The following ATP6V1A variants were observed in gnomAD, a reference collection of about 807,000 sequenced individuals.
ATP6V1A encodes the protein ATPase H+ transporting V1 subunit A, also known as V-type proton ATPase catalytic subunit A.
A neutral mutation model predicts 70.1 loss-of-function variants in ATP6V1A; 18 were observed. The observed-to-expected ratio is 0.26, with a 90% CI of 0.18 to 0.38. The LOEUF (loss-of-function observed/expected upper bound fraction) is 0.38. Among genes scored for constraint, ATP6V1A ranks in the 10% least tolerant of loss-of-function variants. The pLI is 1.00. For missense variants in ATP6V1A, 424 were observed against 772.4 expected (o/e 0.55, Z 5.35); for synonymous variants, 232 against 253.8 (o/e 0.91, Z 0.82).
intron 12 of ATP6V1A, 168 bp from the exon 13 acceptor site, chr3:113,803,415 C>T (rs1709237792): frequency 1.7e-6 from 1 of 595,174 alleles, no homozygotes; most frequent in African/African-American, 1.9e-5. Context: ...TGTTACATGC[C>T]TTTTAACCAC....
intron 6 of ATP6V1A, among the ~76,000 whole-genome samples, chr3:113,786,863 G>A (rs1458383427): frequency 6.6e-6 from 1 of 151,000 alleles, no homozygotes; most frequent in Non-Finnish European, 1.5e-5. Context: ...TGCAACCTCT[G>A]CCTCCCAGCT....
At position 113,795,888 on chromosome 3, in the gene ATP6V1A, TG is replaced by T; in HGVS notation, c.1241del (p.Gly414ValfsTer22). 1 of 1,610,172 alleles carries T rather than the reference TG, an allele frequency of 6.2e-7. No individual in the cohort carries two copies. The highest frequency in any genetic ancestry group is 8.5e-7 in the Non-Finnish European group (1 of 1,179,088). ...VSIVGAVSPP[G>X]GDFSDPVTSA... The stretch of plus-strand genomic sequence containing the variant: ...TTTTTAAATTTAGAGTTTCTCCACC[TG>T]GTGGTGATTTTTCTGATCCAGTTAC... On this transcript the variant is annotated frameshift_variant, in exon 11 of 15. Transcript: ENST00000273398. LOFTEE classifies it high-confidence loss of function.
At chr3:113,808,351 A>G (rs6783869) in intron 14 of ATP6V1A, among the ~76,000 whole-genome samples, 141,807 of 141,836 alleles carry the variant, frequency 1, 70,889 homozygotes, top group Middle Eastern at 1. Flanking sequence ...GAGTGCAGTG[A>G]CGCGATCTCA....
chr3:113,749,240 AAAG>A (rs1055054880), intron 1 of ATP6V1A, among the ~76,000 whole-genome samples: 3 of 150,008 alleles, frequency 2.0e-5, no homozygotes, highest in Non-Finnish European at 3.0e-5. Flanking sequence ...AATGTGAAAA[AAAG>A]CTTTGACATT....
chr3:113,765,614 AAAAAG>A lies in ATP6V1A; in HGVS notation c.-13-13125_-13-13121del, dbSNP rs552515028. The stretch of plus-strand genomic sequence containing the variant: ...GAGCAAAACTCCATCTCAAAAAACA[AAAAAG>A]AGAGAGAGAGATGAGTGGCCGGGCG... On this transcript the variant is annotated intron_variant, in intron 1 of 14. Coordinates refer to ENST00000273398, the MANE Select transcript of ATP6V1A (RefSeq NM_001690.4). 9.5e-5 allele frequency among the ~76,000 whole-genome samples: 14 copies of A among 147,858 alleles called. No homozygotes were observed. The South Asian group carries it at 3.0e-3, about 32-fold the overall frequency.
chr3:113,765,154 T>C (rs1417595459), intron 1 of ATP6V1A, among the ~76,000 whole-genome samples: 1 of 152,240 alleles, frequency 6.6e-6, no homozygotes, highest in Non-Finnish European at 1.5e-5. Context: ...ATTAATATTC[T>C]GATTATCCTC....
chr3:113,808,820 A>G (rs757454093), intron 14 of ATP6V1A, among the ~76,000 whole-genome samples: 1 of 152,204 alleles, frequency 6.6e-6, no homozygotes, highest in Non-Finnish European at 1.5e-5. Flanking sequence ...GGCAAAATGC[A>G]AAATTAAAAT....
intron 1 of ATP6V1A, among the ~76,000 whole-genome samples, chr3:113,761,642 A>G (rs1708706425): frequency 2.0e-5 from 3 of 150,714 alleles, no homozygotes; most frequent in Admixed American, 1.3e-4. Context: ...AGGCCGAAGC[A>G]GGAGAATTGC....
At chr3:113,780,720 A>T in intron 2 of ATP6V1A, 1 of 1,283,318 alleles carries the variant, frequency 7.8e-7, no homozygotes, top group Non-Finnish European at 1.0e-6. Flanking sequence ...AGTTTTTTTT[A>T]TTGTTCCAAA....
chr3:113,792,954 T>G (rs1251634821), intron 8 of ATP6V1A, among the ~76,000 whole-genome samples: 1 of 152,244 alleles, frequency 6.6e-6, no homozygotes, highest in Non-Finnish European at 1.5e-5. Flanking sequence ...CTTTCTTGTG[T>G]GTATGAACCA....
rs372982317 is a variant in ATP6V1A at position 113,803,687 on chromosome 3, A to G, written c.1589+10A>G. Reference sequence around the variant, plus strand: ...ATACTCCTTATGACAGGTAAGCTATATTGATTTCCTTTTTTTATTTGAGGA... The same window carrying G: ...ATACTCCTTATGACAGGTAAGCTATGTTGATTTCCTTTTTTTATTTGAGGA... On this transcript the variant is annotated intron_variant, in intron 13 of 14. Transcript: ENST00000273398. 72 of 1,569,358 alleles carry G rather than the reference A, an allele frequency of 4.6e-5. No individual in the cohort carries two copies. Among genetic ancestry groups the G allele is most frequent in the Non-Finnish European group, 5.7e-5 (66 of 1,149,586 alleles).
At chr3:113,787,544 T>C (rs1423487791) in intron 6 of ATP6V1A, among the ~76,000 whole-genome samples, 1 of 152,238 alleles carries the variant, frequency 6.6e-6, no homozygotes, top group African/African-American at 2.4e-5. Context: ...GATTTTGTGA[T>C]GTACAAAGTT....
At chr3:113,756,711 A>G (rs923878165) in intron 1 of ATP6V1A, among the ~76,000 whole-genome samples, 1 of 152,254 alleles carries the variant, frequency 6.6e-6, no homozygotes, top group Non-Finnish European at 1.5e-5. Context: ...TTGAAATTCT[A>G]TCAATCGAAG....
chr3:113,762,516 C>G (rs138372467), intron 1 of ATP6V1A, among the ~76,000 whole-genome samples: 2 of 151,726 alleles, frequency 1.3e-5, no homozygotes, highest in African/African-American at 4.8e-5. Flanking sequence ...TGCAGTGAGC[C>G]GAGATTGCGC....
In ATP6V1A at chr3:113,765,639, C is replaced by T. The variant is rs147282280; in HGVS notation, c.-13-13102C>T. 9.2e-3 allele frequency among the ~76,000 whole-genome samples: 1,332 copies of T among 145,264 alleles called. 21 individuals are homozygous for T. Among genetic ancestry groups the T allele is most frequent in the South Asian group, 0.067 (301 of 4,498 alleles). ...AAAAAGAGAGAGAGAGATGAGTGGC[C>T]GGGCGCGGTGGCTCGGCCTGTTATC... On this transcript the variant is annotated intron_variant, in intron 1 of 14. Coordinates refer to ENST00000273398, the MANE Select transcript of ATP6V1A (RefSeq NM_001690.4).
At chr3:113,749,938 T>C (rs973038130) in intron 1 of ATP6V1A, among the ~76,000 whole-genome samples, 1 of 152,192 alleles carries the variant, frequency 6.6e-6, no homozygotes, top group Non-Finnish European at 1.5e-5. Flanking sequence ...GACCAACTTA[T>C]TTTCACAGCA....
At position 113,809,589 on chromosome 3, in the gene ATP6V1A, T is replaced by C. The variant is rs1041194693; in HGVS notation, c.*162T>C. 5.2e-6 allele frequency: 3 copies of C among 578,250 alleles called. No homozygotes were observed. The highest frequency in any genetic ancestry group is 6.3e-5 in the Admixed American group (2 of 31,920). The allele number at this position is 578,250 out of a possible 1,614,324, so 35.8% of individuals were successfully genotyped here. A position where few individuals can be genotyped will look rare whatever the true frequency, so the allele number is the denominator to read the frequency against. The stretch of plus-strand genomic sequence containing the variant: ...TTCCCTGTTTTTTTGGTAGGTCTTA[T>C]ATAAAACAAACATTCCTTTGTTCTA... On this transcript the variant is annotated 3_prime_UTR_variant, in exon 15 of 15. Coordinates refer to ENST00000273398, the MANE Select transcript of ATP6V1A (RefSeq NM_001690.4).
At chr3:113,781,715 C>T (rs1577088806) in intron 3 of ATP6V1A, among the ~76,000 whole-genome samples, 1 of 152,144 alleles carries the variant, frequency 6.6e-6, no homozygotes, top group Admixed American at 6.5e-5. Flanking sequence ...ACTTTCATTG[C>T]TCTTACTGCT....
chr3:113,784,351 C>T lies in ATP6V1A; in HGVS notation c.339C>T (p.Thr113=), dbSNP rs753243524. Residue 113 remains threonine, a synonymous_variant, in exon 4 of 15, where the codon ACC becomes ACT. Coordinates refer to ENST00000273398, the MANE Select transcript of ATP6V1A (RefSeq NM_001690.4). The part of the protein sequence containing the change: ...QRPLSDISSQ[T]QSIYIPRGVN... ...CTTTGTCGGATATCAGCAGTCAGAC[C>T]CAAAGCATCTACATCCCCAGAGGAG... The T allele has an allele frequency of 1.3e-4, 213 of 1,614,072 alleles. 1 individual carries two copies. In the East Asian group the frequency reaches 4.1e-3, roughly 31 times the overall value.
Sources: allele counts gnomAD v4.1 joint callset (sites outside exome capture counted in the v4.1 genomes callset), GRCh38; gene constraint gnomAD v4.1.1; transcripts MANE v1.5; gene names NCBI Gene and HGNC (gene_info 2026-07-23, HGNC 2026-07-21).